Variants in GRAMD1C observed in about 807,000 individuals in gnomAD.
The protein encoded by GRAMD1C is protein Aster-C.
A neutral mutation model predicts 97.8 loss-of-function variants in GRAMD1C; 89 were observed. The observed-to-expected ratio is 0.91, with a 90% CI of 0.77 to 1.09. The LOEUF is 1.09. Ranked by LOEUF, GRAMD1C falls within the 50% of genes least tolerant of loss-of-function variation. GRAMD1C has a pLI of 0.00. For missense variants in GRAMD1C, 740 were observed against 766.4 expected (o/e 0.97, Z 0.41); for synonymous variants, 256 against 267.0 (o/e 0.96, Z 0.40).
intron 13 of GRAMD1C, among the ~76,000 whole-genome samples, chr3:113,935,383 A>G (rs1439950001): frequency 6.6e-6 from 1 of 152,000 alleles, no homozygotes; most frequent in Non-Finnish European, 1.5e-5. Flanking sequence ...TGGCAATGGT[A>G]GTATGTACAT....
chr3:113,832,428 C>T (rs923317538), intron 1 of GRAMD1C, among the ~76,000 whole-genome samples: 1 of 152,176 alleles, frequency 6.6e-6, no homozygotes, highest in African/African-American at 2.4e-5. Context: ...CTTTTATAAA[C>T]TACTTTTTTA....
chr3:113,904,353 A>G (rs1464469684), intron 8 of GRAMD1C, 81 bp downstream of exon 8: 1 of 999,324 alleles, frequency 1.0e-6, no homozygotes, highest in African/African-American at 1.6e-5. Context: ...AGGATACAGT[A>G]TACAAAATGT....
At chr3:113,924,190 G>A (rs1361532491) in intron 10 of GRAMD1C, among the ~76,000 whole-genome samples, 1 of 150,844 alleles carries the variant, frequency 6.6e-6, no homozygotes, top group Non-Finnish European at 1.5e-5. Context: ...CTAGCTAGTG[G>A]TCTATTAATC....
At chr3:113,848,138 A>G (rs1199514544) in intron 2 of GRAMD1C, among the ~76,000 whole-genome samples, 1 of 152,356 alleles carries the variant, frequency 6.6e-6, no homozygotes, top group Non-Finnish European at 1.5e-5. Flanking sequence ...GGGCAGCATG[A>G]TATAATTGAA....
chr3:113,903,577 TTTATTATAGTCTTGGCC>T (rs1936251781), intron 7 of GRAMD1C, among the ~76,000 whole-genome samples: 1 of 152,166 alleles, frequency 6.6e-6, no homozygotes, highest in Admixed American at 6.5e-5. Flanking sequence ...TCCCAGGACA[TTTATTATAGTCTTGGCC>T]ATATGATCAT....
At chr3:113,874,189 A>T (rs1934937979) in intron 3 of GRAMD1C, among the ~76,000 whole-genome samples, 1 of 152,236 alleles carries the variant, frequency 6.6e-6, no homozygotes, top group Non-Finnish European at 1.5e-5. Flanking sequence ...AAAATTTAGC[A>T]GTTAAGCTAA....
intron 10 of GRAMD1C, among the ~76,000 whole-genome samples, chr3:113,923,323 G>A (rs189444349): frequency 9.2e-5 from 14 of 152,286 alleles, no homozygotes; most frequent in Admixed American, 9.2e-4. Flanking sequence ...AGTGGTGAGA[G>A]CGGGCATCCT....
At chr3:113,836,098 T>C (rs1709627051), upstream of GRAMD1C, among the ~76,000 whole-genome samples, 1 of 151,978 alleles carries the variant, frequency 6.6e-6, no homozygotes, top group African/African-American at 2.4e-5. Flanking sequence ...AGCCCATCTC[T>C]ACTAAAAATA....
chr3:113,913,214 T>C (rs1356983721), intron 9 of GRAMD1C: 2 of 580,870 alleles, frequency 3.4e-6, no homozygotes, highest in East Asian at 1.4e-4. Flanking sequence ...CTGCTTCTTT[T>C]ATAAGAATGG....
intron 6 of GRAMD1C, chr3:113,890,704 G>T (rs1347830277): frequency 5.7e-6 from 4 of 698,298 alleles, no homozygotes; most frequent in Non-Finnish European, 1.0e-5. Context: ...ACTATGCTTG[G>T]TTATATACTG....
intron 8 of GRAMD1C, among the ~76,000 whole-genome samples, chr3:113,906,187 T>C (rs1936367120): frequency 6.6e-6 from 1 of 152,080 alleles, no homozygotes; most frequent in African/African-American, 2.4e-5. Context: ...AAATAATAAA[T>C]CATTATTTTA....
At chr3:113,886,861 A>G (rs927992044) in intron 6 of GRAMD1C, among the ~76,000 whole-genome samples, 3 of 133,240 alleles carry the variant, frequency 2.3e-5, no homozygotes, top group Non-Finnish European at 4.6e-5. Context: ...GGCTCACTGC[A>G]ACCTCCAACT....
intron 2 of GRAMD1C, among the ~76,000 whole-genome samples, chr3:113,868,313 G>GT (rs975324427): frequency 5.3e-5 from 8 of 151,652 alleles, no homozygotes; most frequent in Admixed American, 1.3e-4. Context: ...TTTTTGTTCT[G>GT]TTTTTTTCTT....
chr3:113,833,624 G>A (rs184046971), intron 1 of GRAMD1C, among the ~76,000 whole-genome samples: 131 of 152,128 alleles, frequency 8.6e-4, no homozygotes, highest in Middle Eastern at 3.4e-3. Context: ...AATAAGGTCT[G>A]TACTGCTACC....
At chr3:113,882,199 T>C (rs918899528) in intron 5 of GRAMD1C, among the ~76,000 whole-genome samples, 1 of 152,184 alleles carries the variant, frequency 6.6e-6, no homozygotes, top group Non-Finnish European at 1.5e-5. Flanking sequence ...TTTTCTCTTA[T>C]AGCATTCAAA....
At chr3:113,938,204 CA>C in intron 15 of GRAMD1C, 61 bp downstream of exon 15, 1 of 788,138 alleles carries the variant, frequency 1.3e-6, no homozygotes, top group South Asian at 1.9e-5. Context: ...AACTAGTTTC[CA>C]AAAGAATTTG....
At chr3:113,927,318 G>A (rs1287821247) in intron 10 of GRAMD1C, among the ~76,000 whole-genome samples, 1 of 152,086 alleles carries the variant, frequency 6.6e-6, no homozygotes, top group Non-Finnish European at 1.5e-5. Flanking sequence ...CCTTTGACTG[G>A]CTCTGTGCCC....
chr3:113,870,156 G>A (rs1294019120), intron 3 of GRAMD1C, among the ~76,000 whole-genome samples: 1 of 151,762 alleles, frequency 6.6e-6, no homozygotes, highest in East Asian at 1.9e-4. Context: ...GAGCCCAGGA[G>A]TTCCAGACCA....
intron 10 of GRAMD1C, 36 bp downstream of exon 10, chr3:113,915,874 G>A: frequency 6.7e-7 from 1 of 1,487,804 alleles, no homozygotes. Flanking sequence ...GATAAATTTG[G>A]GAGAATGCTA....
Sources: gnomAD v4.1 joint callset for allele counts (sites outside exome capture counted in the v4.1 genomes callset) on GRCh38, gnomAD v4.1.1 for gene constraint, MANE v1.5 for transcripts, NCBI Gene and HGNC (gene_info 2026-07-23, HGNC 2026-07-21) for gene names.